Variants in AVL9 observed in about 807,000 individuals in gnomAD.
AVL9 encodes AVL9 cell migration associated.
Under a neutral mutation model 79.2 loss-of-function variants are expected in AVL9, and 49 were observed. The observed-to-expected ratio is 0.62, with a 90% CI of 0.49 to 0.79. AVL9 has a LOEUF of 0.79. AVL9 is among the 30% of genes least tolerant of loss of function. The pLI, the probability that AVL9 is intolerant of heterozygous loss-of-function variation, is 0.00. For missense variants in AVL9, 682 were observed against 776.8 expected (o/e 0.88, Z 1.45); for synonymous variants, 299 against 280.6 (o/e 1.07, Z -0.65).
rs535224542 is a variant in AVL9, at chr7:32,551,196, C to T, written c.373-138C>T. 178 of 601,942 alleles carry T rather than the reference C, an allele frequency of 3.0e-4. 1 individual carries two copies. The Middle Eastern group carries it at 5.4e-3, about 18-fold the overall frequency. 37.3% of individuals were successfully genotyped at this position (601,942 alleles called of 1,614,324 possible). On this transcript the variant is annotated intron_variant, in intron 4 of 15. Coordinates refer to ENST00000318709, the MANE Select transcript of AVL9 (RefSeq NM_015060.3). ...TCACGGCTTTCAACTATGAATAATA[C>T]GCACTAAAGTTGATAGTTACTAACT... is the stretch of plus-strand genomic sequence containing the variant.
chr7:32,556,846 A>G (rs1385190068), intron 8 of AVL9, among the ~76,000 whole-genome samples: 1 of 151,830 alleles, frequency 6.6e-6, no homozygotes, highest in Non-Finnish European at 1.5e-5. Flanking sequence ...GCTCACTGCA[A>G]CCTCTAACTC....
At chr7:32,568,274 C>T (rs1262056155) in intron 10 of AVL9, among the ~76,000 whole-genome samples, 1 of 151,120 alleles carries the variant, frequency 6.6e-6, no homozygotes, top group African/African-American at 2.4e-5. Context: ...CATCTTGGCT[C>T]ACTGCAACCT....
At chr7:32,560,504 G>C (rs1262001847) in intron 10 of AVL9, among the ~76,000 whole-genome samples, 3 of 152,084 alleles carry the variant, frequency 2.0e-5, no homozygotes, top group Non-Finnish European at 4.4e-5. Flanking sequence ...TCAGTAGTTT[G>C]CAGCAATTCA....
chr7:32,569,048 G>A (rs375524822), intron 10 of AVL9, among the ~76,000 whole-genome samples: 1 of 152,144 alleles, frequency 6.6e-6, no homozygotes, highest in Non-Finnish European at 1.5e-5. Context: ...CGCTCTCCTA[G>A]TTGGAATAAA....
At chr7:32,504,018 G>A (rs6953836) in intron 1 of AVL9, among the ~76,000 whole-genome samples, 56,069 of 152,120 alleles carry the variant, frequency 0.37, 10,983 homozygotes, top group African/African-American at 0.49. Flanking sequence ...CGTCTGCCCC[G>A]TGGCCTTCAC....
intron 1 of AVL9, among the ~76,000 whole-genome samples, chr7:32,500,766 C>T (rs1787093160): frequency 1.3e-5 from 2 of 152,044 alleles, no homozygotes; most frequent in Admixed American, 1.3e-4. Context: ...TTTAATCCAT[C>T]CTCTGTTAAT....
intron 1 of AVL9, chr7:32,533,801 A>T (rs1455651995): frequency 6.6e-6 from 1 of 152,102 alleles, no homozygotes; most frequent in Non-Finnish European, 1.5e-5. Flanking sequence ...AGCCGTTGAT[A>T]TACGTAGGGT....
chr7:32,540,871 C>CTTTTTTTTTTTTTTTT (rs749306635), intron 1 of AVL9, among the ~76,000 whole-genome samples: 1 of 72,470 alleles, frequency 1.4e-5, no homozygotes. Context: ...TGTTGTACTA[C>CTTTTTTTTTTTTTTTT]TTTTTTTTTT....
At chr7:32,549,207 A>G (rs201794802) in intron 4 of AVL9, among the ~76,000 whole-genome samples, 1 of 32,072 alleles carries the variant, frequency 3.1e-5, no homozygotes, top group Non-Finnish European at 8.3e-5. Flanking sequence ...AAAAAAAAAA[A>G]ATTTTATATA....
At chr7:32,524,082 C>G (rs1788297025) in intron 1 of AVL9, among the ~76,000 whole-genome samples, 2 of 151,208 alleles carry the variant, frequency 1.3e-5, no homozygotes, top group Non-Finnish European at 2.9e-5. Context: ...CTCCTAACTT[C>G]AAGTGATCCG....
At chr7:32,583,608 T>C (rs539874757) in intron 15 of AVL9, among the ~76,000 whole-genome samples, 184 bp from the exon 16 acceptor site, 34 of 152,244 alleles carry the variant, frequency 2.2e-4, no homozygotes, top group Non-Finnish European at 4.3e-4. Flanking sequence ...GAGCCTAGGA[T>C]GTCAAGGCTG....
chr7:32,543,272 A>T lies in AVL9; in HGVS notation c.214+11A>T, dbSNP rs1240185561. The stretch of plus-strand genomic sequence containing the variant: ...ACAACTACCAGGAAGGTATGTAACA[A>T]GACAGTGAAGCAGTTAGGTGCCATT... On this transcript the variant is annotated intron_variant, in intron 2 of 15. Transcript: ENST00000318709. 2 of 1,611,500 alleles carry T rather than the reference A, an allele frequency of 1.2e-6. No individual in the cohort carries two copies. Among genetic ancestry groups the T allele is most frequent in the South Asian group, 2.2e-5 (2 of 90,234 alleles).
intron 1 of AVL9, among the ~76,000 whole-genome samples, chr7:32,518,050 C>G (rs1353686871): frequency 6.6e-6 from 1 of 152,054 alleles, no homozygotes; most frequent in Non-Finnish European, 1.5e-5. Context: ...AGGCTGGTCT[C>G]AAACTCCTGG....
At chr7:32,525,307 C>A (rs1364307739) in intron 1 of AVL9, among the ~76,000 whole-genome samples, 2 of 152,082 alleles carry the variant, frequency 1.3e-5, no homozygotes, top group Non-Finnish European at 2.9e-5. Flanking sequence ...TCTTTTAGAA[C>A]AAAACAGTTG....
At chr7:32,566,001 G>C (rs1334207355) in intron 10 of AVL9, among the ~76,000 whole-genome samples, 1 of 150,514 alleles carries the variant, frequency 6.6e-6, no homozygotes, top group East Asian at 2.0e-4. Flanking sequence ...GCTGGGTGTG[G>C]TGGCATGTGC....
At chr7:32,553,038 C>T (rs1471294520) in intron 6 of AVL9, among the ~76,000 whole-genome samples, 1 of 152,144 alleles carries the variant, frequency 6.6e-6, no homozygotes, top group East Asian at 1.9e-4. Context: ...TTTTTAATCA[C>T]ATAGTGGTTT....
At chr7:32,531,175 C>G (rs943859353) in intron 1 of AVL9, among the ~76,000 whole-genome samples, 22 of 152,084 alleles carry the variant, frequency 1.4e-4, no homozygotes, top group African/African-American at 3.9e-4. Context: ...CATTGTTGAG[C>G]TATAGGGTGT....
intron 1 of AVL9, among the ~76,000 whole-genome samples, chr7:32,521,057 T>G (rs550907048): frequency 6.6e-6 from 1 of 152,298 alleles, no homozygotes; most frequent in Admixed American, 6.5e-5. Context: ...CCTCCCATCA[T>G]GATTCTGAGG....
Position 32,530,226 on chromosome 7 carries a change from A to G in AVL9, c.94-12915A>G, listed in dbSNP as rs189832405. Among the ~76,000 whole-genome samples the G allele has an allele frequency of 2.3e-3, 354 of 152,320 alleles. 1 individual carries two copies. The highest frequency in any genetic ancestry group is 4.3e-3 in the Non-Finnish European group (295 of 68,026). The stretch of plus-strand genomic sequence containing the variant: ...TAATATAAGAGTCCCAGATTTCTTC[A>G]ATATAAAAGATCAAGTCAAAGTCTA... On this transcript the variant is annotated intron_variant, in intron 1 of 15. Coordinates refer to ENST00000318709, the MANE Select transcript of AVL9 (RefSeq NM_015060.3).
Sources: allele counts gnomAD v4.1 joint callset (sites outside exome capture counted in the v4.1 genomes callset), GRCh38; gene constraint gnomAD v4.1.1; transcripts MANE v1.5; gene names NCBI Gene and HGNC (gene_info 2026-07-23, HGNC 2026-07-21).